The following CYTH1 variants were observed in gnomAD, a reference collection of about 807,000 sequenced individuals.
CYTH1 encodes the protein cytohesin-1.
Under a neutral mutation model 61.8 loss-of-function variants are expected in CYTH1, and 18 were observed. The ratio of observed to expected loss-of-function variants is 0.29; its 90% CI spans 0.20 to 0.43. The LOEUF is 0.43. Among genes scored for constraint, CYTH1 ranks in the 20% least tolerant of loss-of-function variants. CYTH1 has a pLI of 1.00. For synonymous variants in CYTH1, 174 were observed against 184.3 expected, an observed-to-expected ratio of 0.94 and a Z score of 0.45; for missense variants, 336 against 510.5, an observed-to-expected ratio of 0.66 and a Z score of 3.29.
intron 1 of CYTH1, among the ~76,000 whole-genome samples, chr17:78,760,856 C>A (rs2093425972): frequency 6.6e-6 from 1 of 151,832 alleles, no homozygotes; most frequent in African/African-American, 2.4e-5. Context: ...TCCCAATAAA[C>A]CCATCGTAAA....
chr17:78,743,071 A>G (rs2093347385), intron 1 of CYTH1, among the ~76,000 whole-genome samples: 2 of 152,152 alleles, frequency 1.3e-5, no homozygotes, highest in Admixed American at 1.3e-4. Flanking sequence ...ATTCCTTGGC[A>G]CTTAAAAAAA....
chr17:78,756,647 T>A (rs1014192002), intron 1 of CYTH1, among the ~76,000 whole-genome samples: 3 of 152,192 alleles, frequency 2.0e-5, no homozygotes, highest in African/African-American at 7.2e-5. Flanking sequence ...TATTCAGAAC[T>A]AAATCATTAT....
intron 1 of CYTH1, among the ~76,000 whole-genome samples, chr17:78,750,810 A>C (rs536661724): frequency 6.6e-6 from 1 of 152,152 alleles, no homozygotes; most frequent in African/African-American, 2.4e-5. Flanking sequence ...TCAAAAAAAA[A>C]AAAAACAAAA....
intron 1 of CYTH1, among the ~76,000 whole-genome samples, chr17:78,754,543 T>C (rs1395015936): frequency 6.6e-6 from 1 of 152,018 alleles, no homozygotes; most frequent in Non-Finnish European, 1.5e-5. Flanking sequence ...AGACAGAGTG[T>C]CACTATGTTG....
chr17:78,781,426 C>G (rs898314753), intron 1 of CYTH1, among the ~76,000 whole-genome samples: 1 of 152,240 alleles, frequency 6.6e-6, no homozygotes, highest in African/African-American at 2.4e-5. Context: ...CCAGCAGCCT[C>G]AACGCGCGGG....
intron 11 of CYTH1, among the ~76,000 whole-genome samples, chr17:78,685,300 T>C (rs1452233379): frequency 6.6e-6 from 1 of 151,978 alleles, no homozygotes; most frequent in Non-Finnish European, 1.5e-5. Context: ...TTTTAAAAAG[T>C]ACAAAATCTT....
intron 1 of CYTH1, among the ~76,000 whole-genome samples, chr17:78,741,035 T>C (rs1468448474): frequency 6.6e-6 from 1 of 152,230 alleles, no homozygotes; most frequent in Non-Finnish European, 1.5e-5. Flanking sequence ...GCACAGGCCC[T>C]ATGAAAAGCA....
intron 3 of CYTH1, among the ~76,000 whole-genome samples, chr17:78,705,621 A>G (rs1430354266): frequency 6.6e-6 from 1 of 152,216 alleles, no homozygotes; most frequent in African/African-American, 2.4e-5. Context: ...AAGTCCGAGC[A>G]AATGTAATGC....
At chr17:78,708,688 C>T (rs1255814483) in intron 2 of CYTH1, among the ~76,000 whole-genome samples, 1 of 152,240 alleles carries the variant, frequency 6.6e-6, no homozygotes, top group East Asian at 1.9e-4. Context: ...TGTGCCAGGG[C>T]AACAATGCCA....
Position 78,700,970 on chromosome 17 carries a change from G to A in CYTH1, c.438-527C>T, listed in dbSNP as rs149841585. The stretch of plus-strand genomic sequence containing the variant: ...AGTAAAATTTTTCTTAGGAAAAAGT[G>A]AAAAATTAGGAGGGAAACAATCCCT... On this transcript the variant is annotated intron_variant, in intron 6 of 13. Transcript: ENST00000446868. The surrounding 1 kb of genome is among the most constrained non-coding windows in gnomAD (Gnocchi z 5.1). Among the ~76,000 whole-genome samples, 357 of 152,278 alleles carry A rather than the reference G, an allele frequency of 2.3e-3. 5 individuals are homozygous for A. The highest frequency in any genetic ancestry group is 8.4e-3 in the African/African-American group (350 of 41,558).
intron 3 of CYTH1, among the ~76,000 whole-genome samples, chr17:78,705,104 T>C (rs151322977): frequency 1.9e-3 from 285 of 152,230 alleles, no homozygotes; most frequent in African/African-American, 6.4e-3. Flanking sequence ...TGGTTTCCAG[T>C]GTAAGTGGTG....
chr17:78,776,149 T>C (rs2093490106), intron 1 of CYTH1, among the ~76,000 whole-genome samples: 1 of 152,120 alleles, frequency 6.6e-6, no homozygotes, highest in Non-Finnish European at 1.5e-5. Flanking sequence ...AGTAAAACTC[T>C]GTCTCAACAA....
At chr17:78,676,759 C>G (rs904574635) in intron 13 of CYTH1, 1 of 344,466 alleles carries the variant, frequency 2.9e-6, no homozygotes, top group Non-Finnish European at 5.7e-6. Flanking sequence ...AGGGAGGGGG[C>G]CCGAGCTCAT....
intron 13 of CYTH1, chr17:78,677,713 T>TC: frequency 6.6e-6 from 1 of 152,364 alleles, no homozygotes; most frequent in South Asian, 2.1e-4. Flanking sequence ...GAAAAGCACT[T>TC]CGTGAGAGGA....
chr17:78,703,061 C>T (rs1245615438), intron 3 of CYTH1, among the ~76,000 whole-genome samples: 1 of 151,154 alleles, frequency 6.6e-6, no homozygotes, highest in African/African-American at 2.4e-5. Context: ...GCTGGGATTA[C>T]AGGCATAAGC....
At chr17:78,709,516 C>T (rs779220126) in intron 2 of CYTH1, 134 bp downstream of exon 2, 12 of 798,098 alleles carry the variant, frequency 1.5e-5, no homozygotes, top group South Asian at 5.0e-5. Flanking sequence ...TCAACACCTA[C>T]GCTTTGTGCA....
At chr17:78,753,701 G>A (rs900098358) in intron 1 of CYTH1, among the ~76,000 whole-genome samples, 9 of 152,056 alleles carry the variant, frequency 5.9e-5, no homozygotes, top group South Asian at 2.1e-4. Context: ...TAGGTGATTT[G>A]CCATACTCCA....
intron 4 of CYTH1, 58 bp downstream of exon 4, chr17:78,702,480 G>T: frequency 6.4e-7 from 1 of 1,567,890 alleles, no homozygotes; most frequent in Non-Finnish European, 8.8e-7. Flanking sequence ...GGGTCTATCT[G>T]AGCACTATAA....
At chr17:78,747,160 A>G (rs1172009813) in intron 1 of CYTH1, among the ~76,000 whole-genome samples, 32 of 150,880 alleles carry the variant, frequency 2.1e-4, no homozygotes, top group Admixed American at 1.3e-3. Flanking sequence ...AAAAAAAAAA[A>G]AAAAAAAAAA....
Sources: gnomAD v4.1 joint callset for allele counts (sites outside exome capture counted in the v4.1 genomes callset) on GRCh38, gnomAD v4.1.1 for gene constraint, Gnocchi (gnomAD v3.1) non-coding constraint, MANE v1.5 for transcripts, NCBI Gene and HGNC (gene_info 2026-07-23, HGNC 2026-07-21) for gene names.